TMTC1: variants seen among roughly 807,000 people sequenced by gnomAD.
The protein encoded by TMTC1 is protein O-mannosyl-transferase TMTC1.
A neutral mutation model predicts 104.8 loss-of-function variants in TMTC1; 73 were observed. The ratio of observed to expected loss-of-function variants is 0.70; its 90% CI spans 0.58 to 0.85. TMTC1 has a LOEUF of 0.85. Ranked by LOEUF, TMTC1 falls within the 40% of genes least tolerant of loss-of-function variation. TMTC1 has a pLI of 0.00. For synonymous variants in TMTC1, 434 were observed against 428.7 expected (o/e 1.01, Z -0.15); for missense variants, 1,035 against 1,096.1 (o/e 0.94, Z 0.79).
At chr12:29,721,308 C>G (rs1448981402) in intron 5 of TMTC1, among the ~76,000 whole-genome samples, 1 of 148,096 alleles carries the variant, frequency 6.8e-6, no homozygotes, top group Non-Finnish European at 1.5e-5. Flanking sequence ...TAACTTTCCA[C>G]TTTGTTTATA....
At chr12:29,623,264 C>A (rs1326634423) in intron 6 of TMTC1, among the ~76,000 whole-genome samples, 1 of 152,190 alleles carries the variant, frequency 6.6e-6, no homozygotes, top group Non-Finnish European at 1.5e-5. Flanking sequence ...AGATGACACA[C>A]CTACTGTTTT....
intron 7 of TMTC1, among the ~76,000 whole-genome samples, chr12:29,590,032 C>T (rs1470002128): frequency 1.3e-5 from 2 of 152,140 alleles, no homozygotes; most frequent in Non-Finnish European, 2.9e-5. Context: ...GGCTTTTCAG[C>T]CCACGCAGTC....
chr12:29,783,889 T>G lies in TMTC1; in HGVS notation c.-138A>C. The stretch of plus-strand genomic sequence containing the variant: ...TGCGGCAGCTGGACCCGCCGCGAGC[T>G]CCCCGCGCTCCGCCGCCGCCTGCGC... On this transcript the variant is annotated 5_prime_UTR_variant, in exon 1 of 18. Transcript: ENST00000539277. The surrounding 1 kb of genome is among the most constrained non-coding windows in gnomAD (Gnocchi z 4.7). 1 of 835,746 alleles carries G rather than the reference T, an allele frequency of 1.2e-6. No homozygotes were observed. Among genetic ancestry groups the G allele is most frequent in the Non-Finnish European group, 1.5e-6 (1 of 681,352 alleles). The allele number at this position is 835,746 out of a possible 1,614,324, so 51.8% of individuals were successfully genotyped here.
chr12:29,620,762 C>G (rs985732581), intron 6 of TMTC1, among the ~76,000 whole-genome samples: 3 of 152,152 alleles, frequency 2.0e-5, no homozygotes, highest in Non-Finnish European at 4.4e-5. Context: ...AACTACTGAG[C>G]TGGAAAACTG....
chr12:29,588,464 G>A (rs1946197926), intron 7 of TMTC1, among the ~76,000 whole-genome samples: 2 of 152,154 alleles, frequency 1.3e-5, no homozygotes, highest in South Asian at 4.1e-4. Context: ...AACCCAAACT[G>A]AGCAGGGCAT....
At chr12:29,524,807 C>T (rs532723775) in intron 11 of TMTC1, among the ~76,000 whole-genome samples, 115 of 152,242 alleles carry the variant, frequency 7.6e-4, no homozygotes, top group Non-Finnish European at 1.5e-3. Flanking sequence ...AGGCATAAGA[C>T]TGTCAATGTA....
intron 10 of TMTC1, among the ~76,000 whole-genome samples, chr12:29,538,793 T>C (rs932355572): frequency 2.0e-5 from 3 of 152,200 alleles, no homozygotes; most frequent in Non-Finnish European, 4.4e-5. Context: ...TGTGAGAGAC[T>C]AACAGACTTT....
chr12:29,731,968 T>C (rs992947509), intron 5 of TMTC1, among the ~76,000 whole-genome samples: 1 of 152,234 alleles, frequency 6.6e-6, no homozygotes, highest in African/African-American at 2.4e-5. Flanking sequence ...ATATGTATTA[T>C]GATTATTTCT....
intron 8 of TMTC1, among the ~76,000 whole-genome samples, chr12:29,576,368 G>T (rs1945822810): frequency 6.6e-6 from 1 of 152,108 alleles, no homozygotes; most frequent in Admixed American, 6.6e-5. Flanking sequence ...CAATAGCCAA[G>T]ATATGGAAAC....
chr12:29,682,183 C>T, intron 5 of TMTC1, among the ~76,000 whole-genome samples: 1 of 152,040 alleles, frequency 6.6e-6, no homozygotes, highest in Non-Finnish European at 1.5e-5. Context: ...GAAAATAAAA[C>T]CACAATGAGA....
At chr12:29,589,773 A>T (rs73266080) in intron 7 of TMTC1, among the ~76,000 whole-genome samples, 3,216 of 152,320 alleles carry the variant, frequency 0.021, 57 homozygotes, top group African/African-American at 0.052. Context: ...TGCGGTAGGC[A>T]CTGTGCTAAG....
chr12:29,704,128 T>C (rs1941676921), intron 5 of TMTC1, among the ~76,000 whole-genome samples: 1 of 152,222 alleles, frequency 6.6e-6, no homozygotes, highest in Admixed American at 6.5e-5. Flanking sequence ...CATTGGTACC[T>C]GATATGAACT....
chr12:29,723,558 T>TTTTC (rs1942297840), intron 5 of TMTC1, among the ~76,000 whole-genome samples: 1 of 151,706 alleles, frequency 6.6e-6, no homozygotes, highest in Non-Finnish European at 1.5e-5. Flanking sequence ...CCATCTGTAC[T>TTTTC]TTTCTTTTTT....
chr12:29,783,507 C>G lies in TMTC1; in HGVS notation c.245G>C (p.Gly82Ala). The change falls in exon 1 of 18, where the codon GGC (glycine) becomes GCC (alanine). Residue 82 changes from glycine (G) to alanine (A), a missense_variant. Transcript: ENST00000539277. This position sits in a 1 kb window ranked among gnomAD's most constrained non-coding sequence, Gnocchi z 4.7. Reference protein sequence around the residue: ...GIFTNDFWGKGMAENTSHKSY... With the variant: ...GIFTNDFWGKAMAENTSHKSY... The stretch of plus-strand genomic sequence containing the variant: ...CTTGTGGCTGGTGTTCTCGGCCATG[C>G]CCTTGCCCCAGAAGTCGTTGGTGAA... 1 of 1,429,350 alleles carries G rather than the reference C, an allele frequency of 7.0e-7. No homozygotes were observed. The highest frequency in any genetic ancestry group is 9.2e-7 in the Non-Finnish European group (1 of 1,088,058). The allele number at this position is 1,429,350 out of a possible 1,614,324, so 88.5% of individuals were successfully genotyped here. A position where few individuals can be genotyped will look rare whatever the true frequency, so the allele number is the denominator to read the frequency against.
rs1251981608 is a variant in TMTC1, at chr12:29,506,333, T to A, written c.*513A>T. On this transcript the variant is annotated 3_prime_UTR_variant, in exon 18 of 18. Transcript: ENST00000539277. Reference sequence around the variant, plus strand: ...TTTCCCCACATATTCTGGAAGGTTCTACAAAAGCTATTAGATACTCATTCC... The same window carrying A: ...TTTCCCCACATATTCTGGAAGGTTCAACAAAAGCTATTAGATACTCATTCC... 1 of 153,296 alleles carries A rather than the reference T, an allele frequency of 6.5e-6. No homozygotes were observed. The highest frequency in any genetic ancestry group is 2.0e-4 in the South Asian group (1 of 4,888). 9.5% of individuals were successfully genotyped at this position (153,296 alleles called of 1,614,324 possible). A position where few individuals can be genotyped will look rare whatever the true frequency, so the allele number is the denominator to read the frequency against.
intron 14 of TMTC1, 64 bp downstream of exon 14, chr12:29,517,363 T>C: frequency 1.3e-6 from 2 of 1,594,324 alleles, no homozygotes; most frequent in South Asian, 1.1e-5. Context: ...GCGTGAGGAC[T>C]ACAGCTCTCT....
At chr12:29,729,204 G>A (rs1942483725) in intron 5 of TMTC1, among the ~76,000 whole-genome samples, 1 of 151,362 alleles carries the variant, frequency 6.6e-6, no homozygotes, top group Non-Finnish European at 1.5e-5. Flanking sequence ...TAGGGTTCTT[G>A]TGAGCGTTCT....
At chr12:29,778,907 G>C (rs1216664264) in intron 1 of TMTC1, among the ~76,000 whole-genome samples, 1 of 152,208 alleles carries the variant, frequency 6.6e-6, no homozygotes, top group Non-Finnish European at 1.5e-5. Flanking sequence ...GGGCAGCAGG[G>C]CCATTCTGGA....
chr12:29,605,672 A>G (rs1160106349), intron 6 of TMTC1, among the ~76,000 whole-genome samples: 1 of 151,868 alleles, frequency 6.6e-6, no homozygotes, highest in East Asian at 1.9e-4. Flanking sequence ...GTACATTTCA[A>G]TTTGAGAATT....
Sources: gnomAD v4.1 joint callset for allele counts (sites outside exome capture counted in the v4.1 genomes callset) on GRCh38, gnomAD v4.1.1 for gene constraint, Gnocchi (gnomAD v3.1) non-coding constraint, MANE v1.5 for transcripts, NCBI Gene and HGNC (gene_info 2026-07-23, HGNC 2026-07-21) for gene names.